LMX1B: variants seen among roughly 807,000 people sequenced by gnomAD.
LMX1B encodes the protein LIM homeobox transcription factor 1-beta.
LMX1B carries 12 observed loss-of-function variants against 51.4 expected under a neutral mutation model. That is an observed-to-expected ratio of 0.23 (90% CI 0.15 to 0.38). The LOEUF (loss-of-function observed/expected upper bound fraction) is 0.38. Among genes scored for constraint, LMX1B ranks in the 10% least tolerant of loss-of-function variants. The pLI is 1.00. For missense variants in LMX1B, 445 were observed against 571.1 expected (o/e 0.78, Z 2.25); for synonymous variants, 237 against 235.4 (o/e 1.01, Z -0.06).
chr9:126,686,845 A>G (rs1173478451), intron 2 of LMX1B, among the ~76,000 whole-genome samples: 1 of 152,236 alleles, frequency 6.6e-6, no homozygotes, highest in Non-Finnish European at 1.5e-5. Flanking sequence ...GGGTTCTGTG[A>G]GGATTGAATG....
At chr9:126,696,269 T>C in intron 7 of LMX1B, 25 bp from the exon 8 acceptor site, 2 of 1,612,724 alleles carry the variant, frequency 1.2e-6, no homozygotes, top group Admixed American at 1.7e-5. Context: ...TGTACCCCGG[T>C]CCTGACACCC....
At chr9:126,619,445 C>G (rs1336060664) in intron 2 of LMX1B, among the ~76,000 whole-genome samples, 1 of 152,192 alleles carries the variant, frequency 6.6e-6, no homozygotes, top group Non-Finnish European at 1.5e-5. Context: ...CAGTGTGTAC[C>G]CCAACCAGCG....
intron 2 of LMX1B, among the ~76,000 whole-genome samples, chr9:126,629,423 A>G (rs768079796): frequency 2.0e-5 from 3 of 152,086 alleles, no homozygotes; most frequent in Non-Finnish European, 4.4e-5. Flanking sequence ...TTCCATTATT[A>G]TTTGCATTTT....
chr9:126,694,441 C>T (rs12380811), intron 6 of LMX1B, among the ~76,000 whole-genome samples: 101 of 152,298 alleles, frequency 6.6e-4, no homozygotes, highest in Non-Finnish European at 1.0e-3. Flanking sequence ...CCTGGGGAGT[C>T]GGGAGGGACT....
intron 2 of LMX1B, among the ~76,000 whole-genome samples, chr9:126,676,454 T>G (rs575023384): frequency 5.8e-4 from 89 of 152,260 alleles, no homozygotes; most frequent in African/African-American, 2.0e-3. Flanking sequence ...GGGGAATGGA[T>G]GAAGTGGCAG....
At chr9:126,645,759 C>T (rs1000144708) in intron 2 of LMX1B, among the ~76,000 whole-genome samples, 1 of 152,134 alleles carries the variant, frequency 6.6e-6, no homozygotes, top group Non-Finnish European at 1.5e-5. Context: ...GCTTTGTCCT[C>T]GGAATTCATG....
In LMX1B at chr9:126,696,754, C is replaced by G; in HGVS notation, c.*303C>G. 1 of 503,430 alleles carries G rather than the reference C, an allele frequency of 2.0e-6. No individual in the cohort carries two copies. The highest frequency in any genetic ancestry group is 3.6e-6 in the Non-Finnish European group (1 of 278,438). The allele number at this position is 503,430 out of a possible 1,614,324, so 31.2% of individuals were successfully genotyped here. A position where few individuals can be genotyped will look rare whatever the true frequency, so the allele number is the denominator to read the frequency against. On this transcript the variant is annotated 3_prime_UTR_variant, in exon 8 of 8. Transcript: ENST00000373474. ...TCGGCCTCCATCGCCTCCTCCCCAT[C>G]TCTTTTTTGGGAAGCTTAAATTCTC...
intron 2 of LMX1B, among the ~76,000 whole-genome samples, chr9:126,689,683 G>A (rs532136758): frequency 1.3e-5 from 2 of 152,196 alleles, no homozygotes; most frequent in East Asian, 1.9e-4. Flanking sequence ...ACCAGGGCCC[G>A]GAGACCACCT....
Position 126,641,897 on chromosome 9 carries a change from A to G in LMX1B, c.326+26328A>G, listed in dbSNP as rs1835815684. On this transcript the variant is annotated intron_variant, in intron 2 of 7. Coordinates refer to ENST00000373474, the MANE Select transcript of LMX1B (RefSeq NM_001174147.2). The surrounding 1 kb of genome is among the most constrained non-coding windows in gnomAD (Gnocchi z 4.1). Reference sequence around the variant, plus strand: ...AGGCCCTGGGCAGAGCACTTCACCCACGTTCTCTCAGAACTCTGTGAGATA... The same window carrying G: ...AGGCCCTGGGCAGAGCACTTCACCCGCGTTCTCTCAGAACTCTGTGAGATA... Among the ~76,000 whole-genome samples the G allele has an allele frequency of 6.6e-6, 1 of 152,028 alleles. No individual in the cohort carries two copies.
chr9:126,619,446 C>T (rs1362135725), intron 2 of LMX1B, among the ~76,000 whole-genome samples: 1 of 152,180 alleles, frequency 6.6e-6, no homozygotes, highest in Non-Finnish European at 1.5e-5. Context: ...AGTGTGTACC[C>T]CAACCAGCGA....
intron 2 of LMX1B, among the ~76,000 whole-genome samples, chr9:126,665,016 A>G (rs1288049447): frequency 6.6e-6 from 1 of 152,260 alleles, no homozygotes; most frequent in East Asian, 1.9e-4. Context: ...CATTAAACAC[A>G]GGGATGCCTG....
At chr9:126,688,684 A>G (rs754453640) in intron 2 of LMX1B, among the ~76,000 whole-genome samples, 1 of 152,188 alleles carries the variant, frequency 6.6e-6, no homozygotes, top group Non-Finnish European at 1.5e-5. Flanking sequence ...TGCCCTGAAC[A>G]AGGGGATTCA....
chr9:126,649,540 G>A (rs545636401), intron 2 of LMX1B, among the ~76,000 whole-genome samples: 1 of 152,348 alleles, frequency 6.6e-6, no homozygotes, highest in Admixed American at 6.5e-5. Context: ...AGTCTGGGCT[G>A]GGGCCCAAGA....
intron 1 of LMX1B, among the ~76,000 whole-genome samples, chr9:126,614,903 G>C (rs1835272444): frequency 6.6e-6 from 1 of 152,100 alleles, no homozygotes. Context: ...TGGCGAGCTT[G>C]GGAGAGGCGC....
intron 2 of LMX1B, among the ~76,000 whole-genome samples, chr9:126,681,941 G>C (rs2118968088): frequency 6.6e-6 from 1 of 151,212 alleles, no homozygotes; most frequent in South Asian, 2.1e-4. Context: ...ATGCCAATCA[G>C]ATCACACCCC....
intron 2 of LMX1B, among the ~76,000 whole-genome samples, chr9:126,642,396 C>G (rs1397036111): frequency 6.6e-6 from 1 of 152,230 alleles, no homozygotes; most frequent in Non-Finnish European, 1.5e-5. Flanking sequence ...CTTCCACCCG[C>G]CCTCGGTGCT....
intron 2 of LMX1B, among the ~76,000 whole-genome samples, chr9:126,678,486 C>T (rs1340040029): frequency 6.6e-6 from 1 of 152,140 alleles, no homozygotes; most frequent in African/African-American, 2.4e-5. Context: ...ACATATGACA[C>T]CCCCAAATCT....
chr9:126,649,816 C>T (rs927819531), intron 2 of LMX1B, among the ~76,000 whole-genome samples: 2 of 151,934 alleles, frequency 1.3e-5, no homozygotes, highest in African/African-American at 4.8e-5. Flanking sequence ...TGTGTAGAGA[C>T]CAGGTTTCGC....
At position 126,693,152 on chromosome 9, in the gene LMX1B, G is replaced by A. The variant is rs536687637; in HGVS notation, c.570G>A (p.Glu190=). 51 of 1,582,154 alleles carry A rather than the reference G, an allele frequency of 3.2e-5. 1 individual carries two copies. The South Asian group carries it at 5.4e-4, about 17-fold the overall frequency. The change falls in exon 4 of 8, where the codon GAG becomes GAA. Residue 190 remains glutamate (E), a synonymous_variant. Transcript: ENST00000373474. ...SPDESDSVKS[E]DEDGDMKPAK... is the part of the protein sequence containing the mutation. The stretch of plus-strand genomic sequence containing the variant: ...TTGTGTCCCCCACAGTGAAGAGCGA[G>A]GATGAAGATGGGGACATGAAGCCGG...
Sources: allele counts gnomAD v4.1 joint callset (sites outside exome capture counted in the v4.1 genomes callset), GRCh38; gene constraint gnomAD v4.1.1; non-coding constraint Gnocchi (gnomAD v3.1); transcripts MANE v1.5; gene names NCBI Gene and HGNC (gene_info 2026-07-23, HGNC 2026-07-21).